The following HECTD4 variants were observed in gnomAD, a reference collection of about 807,000 sequenced individuals.
The protein encoded by HECTD4 is probable E3 ubiquitin-protein ligase HECTD4.
In HECTD4, 114 loss-of-function variants were observed where a neutral mutation model predicts 471.5. The observed-to-expected ratio is 0.24, with a 90% CI of 0.21 to 0.28. The LOEUF is 0.28. Among genes scored for constraint, HECTD4 ranks in the 10% least tolerant of loss-of-function variants. The probability of loss-of-function intolerance (pLI) is 1.00; values close to 1 mark genes in which losing one functional copy is unlikely to be tolerated. For synonymous variants in HECTD4, 2,012 were observed against 2,256.0 expected, an observed-to-expected ratio of 0.89 and a Z score of 3.07; for missense variants, 3,866 against 5,651.5, an observed-to-expected ratio of 0.68 and a Z score of 10.13.
rs371474812 is a variant in HECTD4, at chr12:112,184,573, C to T, written c.10393G>A (p.Gly3465Ser). The T allele has an allele frequency of 3.7e-6, 6 of 1,613,642 alleles. No individual in the cohort carries two copies. The African/African-American group carries it at 5.3e-5, about 14-fold the overall frequency. Reference protein sequence around the residue: ...VEPEKTLAFPGTDSMEVSTSS... With the variant: ...VEPEKTLAFPSTDSMEVSTSS... ...GTGCTGACCTCCATGCTGTCTGTGC[C>T]GGGGAAGGCCAGTGTCTTCTCGGGC... The change falls in exon 61 of 76, where the codon GGC (glycine) becomes AGC (serine). Residue 3465 changes from glycine to serine, a missense_variant. By Grantham distance (56) the Gly-to-Ser change is moderately conservative. Around this residue, in one of 16 missense-constraint regions of HECTD4, gnomAD observed 192 missense variants for 189.9 expected, o/e 1.01. Transcript: ENST00000682272. This position sits in a 1 kb window ranked among gnomAD's most constrained non-coding sequence, Gnocchi z 9.1.
intron 44 of HECTD4, among the ~76,000 whole-genome samples, chr12:112,221,360 C>T (rs1263057651): frequency 1.3e-5 from 2 of 152,018 alleles, no homozygotes; most frequent in East Asian, 3.9e-4. Flanking sequence ...GTGATCTTCC[C>T]ACCTCAGCCT....
rs2035403251 is a variant in HECTD4 at position 112,313,098 on chromosome 12, C to T, written c.835G>A (p.Gly279Ser). 1 of 1,535,270 alleles carries T rather than the reference C, an allele frequency of 6.5e-7. No individual in the cohort carries two copies. Among genetic ancestry groups the T allele is most frequent in the Admixed American group, 2.0e-5 (1 of 50,966 alleles). ...GPGSPSCLLGGKHIVSWGYED... is the reference protein window; with the variant it reads ...GPGSPSCLLGSKHIVSWGYED... ...TAACCCCATGATACTATGTGTTTGC[C>T]CCCAAGCAAACAGGAGGGAGATCCA... is the stretch of plus-strand genomic sequence containing the variant. Residue 279 changes from glycine (G) to serine (S), a missense_variant, in exon 4 of 76, where the codon GGC becomes AGC. Physicochemically the swap from Gly to Ser is moderately conservative, Grantham distance 56. Transcript: ENST00000682272.
intron 44 of HECTD4, among the ~76,000 whole-genome samples, chr12:112,223,456 GTC>G (rs2033152040): frequency 6.6e-6 from 1 of 152,098 alleles, no homozygotes; most frequent in South Asian, 2.1e-4. Context: ...GTCTTGCTCT[GTC>G]TCCCAGGCTG....
Position 112,235,442 on chromosome 12 carries a change from G to A in HECTD4, c.5725+62C>T. The stretch of plus-strand genomic sequence containing the variant: ...TCATAGGAAGCACAGATGCAAGGGG[G>A]ACCTGACTGGGCACAGGAATGCTGC... On this transcript the variant is annotated intron_variant, in intron 36 of 75. Coordinates refer to ENST00000682272, the MANE Select transcript of HECTD4 (RefSeq NM_001388303.1). This position sits in a 1 kb window ranked among gnomAD's most constrained non-coding sequence, Gnocchi z 5.0. The A allele has an allele frequency of 5.2e-6, 8 of 1,540,114 alleles. No individual in the cohort carries two copies. The highest frequency in any genetic ancestry group is 6.1e-6 in the Non-Finnish European group (7 of 1,142,182).
intron 7 of HECTD4, among the ~76,000 whole-genome samples, chr12:112,288,400 T>C (rs541675163): frequency 6.6e-6 from 1 of 151,246 alleles, no homozygotes; most frequent in African/African-American, 2.4e-5. Context: ...AGGCTAGCGA[T>C]TGCTTGAGCC....
chr12:112,284,330 G>T (rs1306114469), intron 7 of HECTD4, among the ~76,000 whole-genome samples: 4 of 152,166 alleles, frequency 2.6e-5, no homozygotes, highest in Non-Finnish European at 4.4e-5. Flanking sequence ...CAAGAACTGG[G>T]TCCCCACCAG....
At position 112,381,188 on chromosome 12, in the gene HECTD4, C is replaced by A. The variant is rs953255267; in HGVS notation, c.177+764G>T. 1.2e-4 allele frequency among the ~76,000 whole-genome samples: 19 copies of A among 152,204 alleles called. No homozygotes were observed. The highest frequency in any genetic ancestry group is 2.2e-4 in the Non-Finnish European group (15 of 68,044). On this transcript the variant is annotated intron_variant, in intron 1 of 75. Coordinates refer to ENST00000682272, the MANE Select transcript of HECTD4 (RefSeq NM_001388303.1). This position sits in a 1 kb window ranked among gnomAD's most constrained non-coding sequence, Gnocchi z 4.1. ...CAGGCATATTTGGTTCCCTTCTGCC[C>A]CCAAGGCCAAGCAGCTCAACTGATG...
At chr12:112,282,915 G>C (rs2034674790) in intron 8 of HECTD4, among the ~76,000 whole-genome samples, 195 bp downstream of exon 8, 1 of 152,112 alleles carries the variant, frequency 6.6e-6, no homozygotes, top group Non-Finnish European at 1.5e-5. Flanking sequence ...CATTCTTACA[G>C]GTTCATATGA....
rs191584974 is a variant in HECTD4, at chr12:112,278,105, T to C, written c.1687+1123A>G. Among the ~76,000 whole-genome samples the C allele has an allele frequency of 3.9e-3, 600 of 152,190 alleles. 6 individuals carry two copies. The highest frequency in any genetic ancestry group is 0.014 in the Middle Eastern group (4 of 294). On this transcript the variant is annotated intron_variant, in intron 9 of 75. Coordinates refer to ENST00000682272, the MANE Select transcript of HECTD4 (RefSeq NM_001388303.1). ...AAACAAACAAACGAAAAAGCAGTCA[T>C]AAAAGGCCATATGTTGTATAATTCC...
chr12:112,292,111 CT>C (rs1401004107), intron 7 of HECTD4, among the ~76,000 whole-genome samples: 1 of 152,084 alleles, frequency 6.6e-6, no homozygotes, highest in East Asian at 1.9e-4. Flanking sequence ...TTGCAAGGCC[CT>C]ATAAGATATG....
chr12:112,328,611 G>A (rs922038001), intron 1 of HECTD4, among the ~76,000 whole-genome samples: 25 of 152,194 alleles, frequency 1.6e-4, no homozygotes, highest in East Asian at 5.8e-4. Flanking sequence ...GCTCTCATGC[G>A]AGCCAAGTAA....
At chr12:112,269,631 T>A in intron 13 of HECTD4, 73 bp downstream of exon 13, 1 of 1,518,610 alleles carries the variant, frequency 6.6e-7, no homozygotes. Context: ...ACTACCAGCT[T>A]TCAGGGAAGA....
chr12:112,227,886 G>C (rs1450061202), intron 43 of HECTD4, among the ~76,000 whole-genome samples: 1 of 152,106 alleles, frequency 6.6e-6, no homozygotes, highest in Admixed American at 6.5e-5. Context: ...GTAGACATTG[G>C]GGAACGCAAC....
At chr12:112,171,399 G>A in intron 67 of HECTD4, 136 bp from the exon 68 acceptor site, 26 of 1,385,374 alleles carry the variant, frequency 1.9e-5, no homozygotes, top group Non-Finnish European at 2.5e-5. Flanking sequence ...GATGCTGTCA[G>A]TGAGTGAGCG....
intron 32 of HECTD4, among the ~76,000 whole-genome samples, chr12:112,242,898 G>A (rs1203208749): frequency 2.0e-5 from 3 of 152,154 alleles, no homozygotes; most frequent in Non-Finnish European, 2.9e-5. Flanking sequence ...GTGACAGAGT[G>A]AGACTCTGTG....
intron 3 of HECTD4, among the ~76,000 whole-genome samples, chr12:112,314,080 C>A (rs543603976): frequency 6.6e-6 from 1 of 151,678 alleles, no homozygotes; most frequent in South Asian, 2.1e-4. Flanking sequence ...GCCCTGTCAC[C>A]TAGGCTGGAG....
Position 112,178,991 on chromosome 12 carries a change from C to T in HECTD4, c.11303G>A (p.Ser3768Asn). Residue 3768 changes from serine to asparagine, a missense_variant, in exon 64 of 76, where the codon AGC becomes AAC. Ser to Asn is a conservative substitution (Grantham distance 46). Around this residue, in one of 16 missense-constraint regions of HECTD4, gnomAD observed 715 missense variants for 1,087.6 expected, o/e 0.66. Transcript: ENST00000682272. Reference protein sequence around the residue: ...GKEQHPVKVVSTKRPITKPPA... With the variant: ...GKEQHPVKVVNTKRPITKPPA... ...CGGCTTGGTGATAGGCCGCTTGGTG[C>T]TCACCACCTTCACGGGGTGCTGCTC... The T allele has an allele frequency of 1.2e-6, 2 of 1,613,310 alleles. No homozygotes were observed. Among genetic ancestry groups the T allele is most frequent in the Non-Finnish European group, 1.7e-6 (2 of 1,179,756 alleles).
chr12:112,224,557 C>T (rs546311620), intron 44 of HECTD4, among the ~76,000 whole-genome samples: 87 of 152,252 alleles, frequency 5.7e-4, no homozygotes, highest in African/African-American at 2.4e-4. Flanking sequence ...TGAGCCACCG[C>T]GCCCGGCCCA....
chr12:112,306,892 T>C (rs2035281333), intron 6 of HECTD4, among the ~76,000 whole-genome samples: 1 of 152,242 alleles, frequency 6.6e-6, no homozygotes, highest in South Asian at 2.1e-4. Context: ...CAATTCTGTA[T>C]ATTAAACATG....
Sources: gnomAD v4.1 joint callset for allele counts (sites outside exome capture counted in the v4.1 genomes callset) on GRCh38, gnomAD v4.1.1 for gene constraint, gnomAD v4.1.1 regional missense constraint, Gnocchi (gnomAD v3.1) non-coding constraint, MANE v1.5 for transcripts, NCBI Gene and HGNC (gene_info 2026-07-23, HGNC 2026-07-21) for gene names.